TTC3: variants seen among roughly 807,000 people sequenced by gnomAD.
TTC3 encodes E3 ubiquitin-protein ligase TTC3.
A neutral mutation model predicts 249.6 loss-of-function variants in TTC3; 180 were observed. The observed-to-expected ratio is 0.72, with a 90% CI of 0.64 to 0.82. The LOEUF is 0.82. Among genes scored for constraint, TTC3 ranks in the 40% least tolerant of loss-of-function variants. The pLI, the probability that TTC3 is intolerant of heterozygous loss-of-function variation, is 0.00. For missense variants in TTC3, 2,061 were observed against 2,398.4 expected (o/e 0.86, Z 2.94); for synonymous variants, 717 against 805.0 (o/e 0.89, Z 1.85).
At chr21:37,188,396 A>G in intron 38 of TTC3, 99 bp from the exon 39 acceptor site, 1 of 791,256 alleles carries the variant, frequency 1.3e-6, no homozygotes, top group South Asian at 1.8e-5. Context: ...TCATTTAAGG[A>G]GAAATGGGAA....
rs377025235 is a variant in TTC3, at chr21:37,144,242, TA to T, written c.1773-275del. On this transcript the variant is annotated intron_variant, in intron 20 of 45. Transcript: ENST00000355666. ...ATGTACCCTAGAACTTAAAGTATAATAAAAAAAATATATATATATAAACAAC... is the reference window on the plus strand; with the variant it reads ...ATGTACCCTAGAACTTAAAGTATAATAAAAAAATATATATATATAAACAAC... Among the ~76,000 whole-genome samples the T allele has an allele frequency of 4.6e-5, 7 of 150,660 alleles. No homozygotes were observed. The East Asian group carries it at 7.8e-4, about 17-fold the overall frequency.
At chr21:37,114,986 AG>A in intron 11 of TTC3, among the ~76,000 whole-genome samples, 1 of 152,064 alleles carries the variant, frequency 6.6e-6, no homozygotes, top group South Asian at 2.1e-4. Flanking sequence ...GAACAATGAG[AG>A]CACATGGACA....
intron 44 of TTC3, among the ~76,000 whole-genome samples, chr21:37,199,430 G>A: frequency 6.6e-6 from 1 of 152,208 alleles, no homozygotes; most frequent in Non-Finnish European, 1.5e-5. Context: ...TGTGCCTGGA[G>A]TCCCAGGCGA....
At chr21:37,079,517 G>GTTTTTTTTTTT (rs60361476) in intron 1 of TTC3, among the ~76,000 whole-genome samples, 3 of 91,230 alleles carry the variant, frequency 3.3e-5, no homozygotes, top group African/African-American at 9.6e-5. Flanking sequence ...TTATGGTATG[G>GTTTTTTTTTTT]TTTTTTTTTT....
chr21:37,196,418 G>A (rs140319988), intron 42 of TTC3, among the ~76,000 whole-genome samples: 1 of 151,972 alleles, frequency 6.6e-6, no homozygotes, highest in Non-Finnish European at 1.5e-5. Flanking sequence ...TGTATTTTTA[G>A]TACAGGTGGG....
chr21:37,147,404 G>A, intron 21 of TTC3, 77 bp from the exon 22 acceptor site: 2 of 1,331,838 alleles, frequency 1.5e-6, no homozygotes, highest in Non-Finnish European at 2.0e-6. Flanking sequence ...TTGATGGCAA[G>A]AGGTTATTGA....
At chr21:37,160,462 A>G (rs2080596211) in intron 29 of TTC3, among the ~76,000 whole-genome samples, 2 of 152,214 alleles carry the variant, frequency 1.3e-5, no homozygotes, top group Non-Finnish European at 2.9e-5. Flanking sequence ...AGTTTGGCTT[A>G]GTAAAAGAAA....
At chr21:37,093,565 G>A (rs866353312) in intron 7 of TTC3, among the ~76,000 whole-genome samples, 5 of 152,040 alleles carry the variant, frequency 3.3e-5, no homozygotes, top group South Asian at 2.1e-4. Flanking sequence ...ATTGTAGAAA[G>A]TAGTTTTGCA....
Position 37,201,276 on chromosome 21 carries a change from A to C in TTC3, c.5944-164A>C, listed in dbSNP as rs961499476. 8.6e-5 allele frequency among the ~76,000 whole-genome samples: 13 copies of C among 151,942 alleles called. No individual in the cohort carries two copies. In the South Asian group the frequency reaches 1.5e-3, roughly 17 times the overall value. On this transcript the variant is annotated intron_variant, in intron 45 of 45. Transcript: ENST00000355666. ...CGTTTGCGGCTGGGGCTTTGTCCACACTCTGGCCTGAGCGGGTGTTGGTGT... is the reference window on the plus strand; with the variant it reads ...CGTTTGCGGCTGGGGCTTTGTCCACCCTCTGGCCTGAGCGGGTGTTGGTGT...
At chr21:37,198,514 T>C (rs2085159429) in intron 44 of TTC3, among the ~76,000 whole-genome samples, 1 of 152,244 alleles carries the variant, frequency 6.6e-6, no homozygotes, top group Non-Finnish European at 1.5e-5. Context: ...TTTTGCTTCA[T>C]GATGGATGTT....
At chr21:37,162,011 A>T in exon 31 of TTC3, 1 of 1,592,402 alleles carries the variant, frequency 6.3e-7, no homozygotes, top group Non-Finnish European at 8.6e-7. Context: ...TGGGTCTGGA[A>T]CAACTTCAGT....
In TTC3 at chr21:37,182,885, A is replaced by G. The variant is rs2148154716; in HGVS notation, c.4729A>G (p.Ile1577Val). The G allele has an allele frequency of 1.3e-6, 2 of 1,581,846 alleles. No homozygotes were observed. Among genetic ancestry groups the G allele is most frequent in the African/African-American group, 2.7e-5 (2 of 72,838 alleles). Residue 1577 changes from isoleucine (I) to valine (V), a missense_variant, in exon 36 of 46, where the codon ATT (isoleucine) becomes GTT (valine). Transcript: ENST00000355666. ...AAGACTAAAATCACTGAAGAAGAAA[A>G]TTAAAAAGGTTTCAAATGCCAGTGA...
At chr21:37,168,893 A>G (rs2081478124) in intron 34 of TTC3, among the ~76,000 whole-genome samples, 1 of 152,178 alleles carries the variant, frequency 6.6e-6, no homozygotes, top group Non-Finnish European at 1.5e-5. Flanking sequence ...AACTGGGCCC[A>G]GAGGTTCTAC....
exon 26 of TTC3, chr21:37,152,015 A>G (rs756146539): frequency 3.1e-6 from 5 of 1,591,868 alleles, no homozygotes; most frequent in Non-Finnish European, 4.3e-6. Flanking sequence ...CCACCCAAAA[A>G]TGAAGAGCAG....
exon 28 of TTC3, chr21:37,156,805 C>T: frequency 1.9e-6 from 3 of 1,614,090 alleles, no homozygotes; most frequent in Non-Finnish European, 2.5e-6. Context: ...TCTGAGCCAG[C>T]ATCATTGAAG....
Position 37,124,750 on chromosome 21 carries a change from C to T in TTC3, c.1233+8C>T. 1 of 1,606,496 alleles carries T rather than the reference C, an allele frequency of 6.2e-7. No homozygotes were observed. On this transcript the variant is annotated splice_region_variant and intron_variant, in intron 14 of 45. Transcript: ENST00000355666. The stretch of plus-strand genomic sequence containing the variant: ...GGTAATCAGAATCTAAAGGTAAGCT[C>T]CATTGAAAACTACAGTTTTTTTCAA...
chr21:37,134,140 C>A (rs1436476948), intron 17 of TTC3, among the ~76,000 whole-genome samples: 1 of 152,102 alleles, frequency 6.6e-6, no homozygotes, highest in Admixed American at 6.6e-5. Flanking sequence ...TTCTGCCAAA[C>A]TTTGATTCAT....
At chr21:37,121,054 G>C (rs1266070973) in intron 11 of TTC3, among the ~76,000 whole-genome samples, 1 of 152,188 alleles carries the variant, frequency 6.6e-6, no homozygotes, top group Non-Finnish European at 1.5e-5. Context: ...GGAGGAGCTA[G>C]AAGCAGGGTT....
At chr21:37,138,793 C>A in intron 19 of TTC3, 79 bp downstream of exon 19, 1 of 1,007,860 alleles carries the variant, frequency 9.9e-7, no homozygotes, top group East Asian at 2.7e-5. Context: ...CATTTTTACC[C>A]ATTTTCTTCT....
Sources: allele counts gnomAD v4.1 joint callset (sites outside exome capture counted in the v4.1 genomes callset), GRCh38; gene constraint gnomAD v4.1.1; transcripts MANE v1.5; gene names NCBI Gene and HGNC (gene_info 2026-07-23, HGNC 2026-07-21).